The following ANKH variants were observed in gnomAD, a reference collection of about 807,000 sequenced individuals.
ANKH encodes the protein ANKH inorganic pyrophosphate transport regulator, also known as mineralization regulator ANKH.
Under a neutral mutation model 49.0 loss-of-function variants are expected in ANKH, and 15 were observed. That is an observed-to-expected ratio of 0.31 (90% confidence interval 0.20 to 0.47). The LOEUF is 0.47. Among genes scored for constraint, ANKH ranks in the 20% least tolerant of loss-of-function variants. The pLI, the probability that ANKH is intolerant of heterozygous loss-of-function variation, is 1.00. For synonymous variants in ANKH, 273 were observed against 260.0 expected (o/e 1.05, Z -0.48); for missense variants, 429 against 652.0 (o/e 0.66, Z 3.72).
chr5:14,834,873 T>C (rs553162799), intron 1 of ANKH, among the ~76,000 whole-genome samples: 36 of 152,314 alleles, frequency 2.4e-4, no homozygotes, highest in African/African-American at 8.4e-4. Flanking sequence ...GGCTGCTTCA[T>C]AGGATTATTT....
intron 1 of ANKH, chr5:14,869,398 T>C (rs1318351158): frequency 6.6e-6 from 1 of 152,244 alleles, no homozygotes; most frequent in East Asian, 1.9e-4. Flanking sequence ...CTTAACTCTG[T>C]GATAAAATAT....
At chr5:14,830,877 C>G (rs943516274) in intron 1 of ANKH, among the ~76,000 whole-genome samples, 1 of 152,198 alleles carries the variant, frequency 6.6e-6, no homozygotes, top group African/African-American at 2.4e-5. Flanking sequence ...TGGGACTCGC[C>G]TGGCTTCAGG....
At position 14,741,809 on chromosome 5, in the gene ANKH, G is replaced by A; in HGVS notation, c.1011+18C>T. 6.2e-7 allele frequency: 1 copy of A among 1,601,120 alleles called. No homozygotes were observed. Among genetic ancestry groups the A allele is most frequent in the Non-Finnish European group, 8.6e-7 (1 of 1,168,218 alleles). On this transcript the variant is annotated intron_variant, in intron 8 of 11. Transcript: ENST00000284268. ...AAACCAAACAGAGAGAAGAGGCAGA[G>A]AGAGCCTCTGTCCTTACCGTGAGTG...
chr5:14,711,802 C>A (rs1240109911), intron 11 of ANKH, among the ~76,000 whole-genome samples: 2 of 152,248 alleles, frequency 1.3e-5, no homozygotes, highest in Admixed American at 6.5e-5. Context: ...CACTTCCCTG[C>A]CATGTTGCCT....
Position 14,707,489 on chromosome 5 carries a change from T to TA in ANKH, c.*3707dup, listed in dbSNP as rs1384682549. 2 of 152,200 alleles carry TA rather than the reference T, an allele frequency of 1.3e-5. No individual in the cohort carries two copies. The highest frequency in any genetic ancestry group is 4.8e-5 in the African/African-American group (2 of 41,448). 9.4% of individuals were successfully genotyped at this position (152,200 alleles called of 1,614,324 possible). On this transcript the variant is annotated 3_prime_UTR_variant, in exon 12 of 12. Coordinates refer to ENST00000284268, the MANE Select transcript of ANKH (RefSeq NM_054027.6). Reference sequence around the variant, plus strand: ...ATATAAGTGAATAAATTTTGAGAGTTACGATATGTAATGATTATTCCAACC... The same window carrying TA: ...ATATAAGTGAATAAATTTTGAGAGTTAACGATATGTAATGATTATTCCAACC...
At chr5:14,859,636 G>A (rs1486657744) in intron 1 of ANKH, among the ~76,000 whole-genome samples, 1 of 152,180 alleles carries the variant, frequency 6.6e-6, no homozygotes, top group Non-Finnish European at 1.5e-5. Context: ...CAGTTACAAA[G>A]GCTGGCTCAG....
intron 1 of ANKH, among the ~76,000 whole-genome samples, chr5:14,837,832 T>G (rs1262653619): frequency 6.6e-6 from 1 of 152,250 alleles, no homozygotes; most frequent in Non-Finnish European, 1.5e-5. Flanking sequence ...CACGTATGTT[T>G]ACTGCGGCAC....
rs113195478 is a variant in ANKH at position 14,720,687 on chromosome 5, T to C, written c.1012-3852A>G. Among the ~76,000 whole-genome samples the C allele has an allele frequency of 2.2e-3, 337 of 152,338 alleles. 1 individual carries two copies. The highest frequency in any genetic ancestry group is 7.7e-3 in the African/African-American group (318 of 41,566). On this transcript the variant is annotated intron_variant, in intron 8 of 11. Coordinates refer to ENST00000284268, the MANE Select transcript of ANKH (RefSeq NM_054027.6). ...CAGGAAGTAAGCCATTCTGTGTTTA[T>C]CTAAGGGTTAGAGAGAGACCTAGGC...
intron 1 of ANKH, among the ~76,000 whole-genome samples, chr5:14,785,221 G>C (rs2126535549): frequency 6.6e-6 from 1 of 152,248 alleles, no homozygotes; most frequent in Middle Eastern, 3.4e-3. Flanking sequence ...AATCCTACCA[G>C]GTGATATGGT....
intron 8 of ANKH, among the ~76,000 whole-genome samples, chr5:14,730,472 G>A (rs893218372): frequency 7.9e-5 from 12 of 152,128 alleles, no homozygotes; most frequent in Non-Finnish European, 1.5e-4. Flanking sequence ...CCAGAAAACA[G>A]GCCACGAGGA....
At chr5:14,730,240 G>A (rs4702045) in intron 8 of ANKH, among the ~76,000 whole-genome samples, 6 of 152,212 alleles carry the variant, frequency 3.9e-5, no homozygotes, top group Admixed American at 3.9e-4. Context: ...GCTGGAGCAG[G>A]GGGGCTCACA....
chr5:14,721,791 A>T (rs569717457), intron 8 of ANKH, among the ~76,000 whole-genome samples: 2 of 151,964 alleles, frequency 1.3e-5, no homozygotes, highest in Non-Finnish European at 1.5e-5. Flanking sequence ...TTAGCCAGGC[A>T]TGGTGGCAGG....
chr5:14,777,169 C>T (rs1323454317), intron 1 of ANKH, among the ~76,000 whole-genome samples: 1 of 152,144 alleles, frequency 6.6e-6, no homozygotes, highest in East Asian at 1.9e-4. Flanking sequence ...ACCTGTAATT[C>T]CAGCTACTCT....
rs962317119 is a variant in ANKH at position 14,742,522 on chromosome 5, C to A, written c.916-600G>T. Among the ~76,000 whole-genome samples the A allele has an allele frequency of 2.6e-5, 4 of 152,218 alleles. No homozygotes were observed. The South Asian group carries it at 8.3e-4, about 32-fold the overall frequency. ...CTGATTTTCAAAAACATCCCTCTTTCTAAGGCCCATCATCTTCACTGCTCA... is the reference window on the plus strand; with the variant it reads ...CTGATTTTCAAAAACATCCCTCTTTATAAGGCCCATCATCTTCACTGCTCA... On this transcript the variant is annotated intron_variant, in intron 7 of 11. Coordinates refer to ENST00000284268, the MANE Select transcript of ANKH (RefSeq NM_054027.6).
chr5:14,853,366 T>C (rs1247728463), intron 1 of ANKH, among the ~76,000 whole-genome samples: 2 of 152,088 alleles, frequency 1.3e-5, no homozygotes, highest in African/African-American at 2.4e-5. Context: ...ACTTGAGCCC[T>C]GGGGCTTGAG....
intron 2 of ANKH, among the ~76,000 whole-genome samples, chr5:14,765,932 T>C (rs1290605738): frequency 6.6e-6 from 1 of 152,116 alleles, no homozygotes; most frequent in Non-Finnish European, 1.5e-5. Context: ...TATTAGTAAA[T>C]AGTGAAAAGT....
chr5:14,765,611 A>G (rs539252955), intron 2 of ANKH, among the ~76,000 whole-genome samples: 1 of 152,336 alleles, frequency 6.6e-6, no homozygotes, highest in South Asian at 2.1e-4. Context: ...GGTCAAGAAA[A>G]AAAAAAGAAA....
intron 8 of ANKH, among the ~76,000 whole-genome samples, chr5:14,740,358 G>C (rs984417621): frequency 1.3e-5 from 2 of 152,190 alleles, no homozygotes; most frequent in Non-Finnish European, 2.9e-5. Flanking sequence ...TCAGTGTTTT[G>C]CTAATGTTTT....
chr5:14,806,925 T>C (rs537420069), intron 1 of ANKH, among the ~76,000 whole-genome samples: 26 of 152,324 alleles, frequency 1.7e-4, no homozygotes, highest in South Asian at 1.7e-3. Flanking sequence ...TTCTGAACAA[T>C]AGTAGTTGTC....
Sources: allele counts gnomAD v4.1 joint callset (sites outside exome capture counted in the v4.1 genomes callset), GRCh38; gene constraint gnomAD v4.1.1; transcripts MANE v1.5; gene names NCBI Gene and HGNC (gene_info 2026-07-23, HGNC 2026-07-21).